MTUS2: variants seen among roughly 807,000 people sequenced by gnomAD.
The protein encoded by MTUS2 is microtubule-associated tumor suppressor candidate 2.
A neutral mutation model predicts 114.1 loss-of-function variants in MTUS2; 40 were observed. The observed-to-expected ratio is 0.35, with a 90% CI of 0.27 to 0.46. The LOEUF (loss-of-function observed/expected upper bound fraction) is 0.46. MTUS2 is among the 20% of genes least tolerant of loss of function. The pLI is 1.00. For missense variants in MTUS2, 1,679 were observed against 1,705.4 expected (o/e 0.98, Z 0.27); for synonymous variants, 688 against 672.0 (o/e 1.02, Z -0.37).
chr13:29,241,951 A>G (rs1278912875), intron 5 of MTUS2, among the ~76,000 whole-genome samples: 1 of 152,016 alleles, frequency 6.6e-6, no homozygotes, highest in Admixed American at 6.6e-5. Flanking sequence ...CCACACTCCC[A>G]TTTCCTGCCC....
At chr13:29,035,963 T>G (rs1163523664) in intron 4 of MTUS2, among the ~76,000 whole-genome samples, 1 of 151,274 alleles carries the variant, frequency 6.6e-6, no homozygotes, top group Non-Finnish European at 1.5e-5. Flanking sequence ...TGGCAACATG[T>G]GGAAACCCCA....
intron 5 of MTUS2, among the ~76,000 whole-genome samples, chr13:29,257,556 G>A (rs568634587): frequency 2.0e-5 from 3 of 152,278 alleles, no homozygotes; most frequent in East Asian, 3.9e-4. Flanking sequence ...GTGAAGGAGG[G>A]AGTGGCCTTA....
intron 2 of MTUS2, among the ~76,000 whole-genome samples, chr13:28,928,333 G>T (rs1277573850): frequency 6.6e-6 from 1 of 152,198 alleles, no homozygotes; most frequent in Admixed American, 6.5e-5. Context: ...CAGAATGGGA[G>T]AAAATATTTG....
chr13:29,318,464 G>T (rs1378584585), intron 6 of MTUS2, among the ~76,000 whole-genome samples: 1 of 141,470 alleles, frequency 7.1e-6, no homozygotes, highest in East Asian at 2.1e-4. Flanking sequence ...GGACTCAGGG[G>T]ACTAATGGAG....
chr13:29,465,544 G>A (rs1055787808), intron 9 of MTUS2, among the ~76,000 whole-genome samples: 4 of 152,180 alleles, frequency 2.6e-5, no homozygotes, highest in African/African-American at 9.7e-5. Flanking sequence ...TTGCACACTA[G>A]TATTTCCACC....
Position 29,026,052 on chromosome 13 carries a change from G to T in MTUS2, c.1354G>T (p.Val452Phe). The change falls in exon 3 of 16, where the codon GTC (valine) becomes TTC (phenylalanine). Residue 452 changes from valine to phenylalanine, a missense_variant. Around this residue, in one of 3 missense-constraint regions of MTUS2, gnomAD observed 843 missense variants for 770.8 expected, o/e 1.09. Transcript: ENST00000612955. ...TCTGACTGACAGCAAGCCCTTGGAT[G>T]TCATTGAGGAGGAAAGGCGGTTGGG... is the stretch of plus-strand genomic sequence containing the variant. ...NNLTDSKPLDVIEEERRLGSG... is the reference protein window; with the variant it reads ...NNLTDSKPLDFIEEERRLGSG... The T allele has an allele frequency of 1.2e-6, 2 of 1,614,024 alleles. No individual in the cohort carries two copies.
Position 28,991,391 on chromosome 13 carries a change from C to T in MTUS2, c.-242-33066C>T, listed in dbSNP as rs181846776. ...AATTTTTTTTTTTTTTTTTTTGAGACGGAGTCTCGCTCTGCCACCCAGGCT... is the reference window on the plus strand; with the variant it reads ...AATTTTTTTTTTTTTTTTTTTGAGATGGAGTCTCGCTCTGCCACCCAGGCT... On this transcript the variant is annotated intron_variant, in intron 2 of 15. Coordinates refer to ENST00000612955, the MANE Select transcript of MTUS2 (RefSeq NM_001033602.4). Among the ~76,000 whole-genome samples, 111 of 138,110 alleles carry T rather than the reference C, an allele frequency of 8.0e-4. 1 individual carries two copies. The East Asian group carries it at 0.019, about 24-fold the overall frequency. 90.6% of individuals were successfully genotyped at this position (138,110 alleles called of 152,430 possible).
At chr13:28,837,511 T>A (rs1875174533) in intron 1 of MTUS2, among the ~76,000 whole-genome samples, 1 of 152,196 alleles carries the variant, frequency 6.6e-6, no homozygotes, top group Non-Finnish European at 1.5e-5. Flanking sequence ...CTTAGGTGGC[T>A]CTTCATAGAT....
At chr13:29,281,411 A>ATGTCTG (rs1333984864) in intron 5 of MTUS2, among the ~76,000 whole-genome samples, 1 of 140,814 alleles carries the variant, frequency 7.1e-6, no homozygotes, top group Non-Finnish European at 1.5e-5. Flanking sequence ...GCATGTATGT[A>ATGTCTG]TGTATGTCTG....
intron 2 of MTUS2, among the ~76,000 whole-genome samples, chr13:28,994,983 A>G (rs1320186111): frequency 6.6e-6 from 1 of 152,264 alleles, no homozygotes; most frequent in Non-Finnish European, 1.5e-5. Context: ...GCCCATGCCT[A>G]TGTCCTGAAT....
In MTUS2 at chr13:29,389,579, G is replaced by A. The variant is rs1470828005; in HGVS notation, c.3117+30106G>A. On this transcript the variant is annotated intron_variant, in intron 8 of 15. Coordinates refer to ENST00000612955, the MANE Select transcript of MTUS2 (RefSeq NM_001033602.4). ...CGTGTGTATATGTGTACATATGTGTGTATACGTATACATATGTGTGTATAC... is the reference window on the plus strand; with the variant it reads ...CGTGTGTATATGTGTACATATGTGTATATACGTATACATATGTGTGTATAC... Among the ~76,000 whole-genome samples the A allele has an allele frequency of 6.3e-5, 7 of 111,536 alleles. 1 individual carries two copies. The highest frequency in any genetic ancestry group is 2.2e-4 in the African/African-American group (6 of 27,544). 73.2% of individuals were successfully genotyped at this position (111,536 alleles called of 152,430 possible). A position where few individuals can be genotyped will look rare whatever the true frequency, so the allele number is the denominator to read the frequency against.
chr13:28,951,063 C>T (rs1023915599), intron 2 of MTUS2, among the ~76,000 whole-genome samples: 5 of 152,176 alleles, frequency 3.3e-5, no homozygotes, highest in African/African-American at 1.2e-4. Flanking sequence ...AAAAACTCCA[C>T]TTAAAAATTG....
chr13:29,362,428 A>C (rs1176378324), intron 8 of MTUS2, among the ~76,000 whole-genome samples: 1 of 152,238 alleles, frequency 6.6e-6, no homozygotes, highest in East Asian at 1.9e-4. Flanking sequence ...CTTGGCCTGG[A>C]ATGTACTTTA....
intron 5 of MTUS2, among the ~76,000 whole-genome samples, chr13:29,117,488 C>T (rs929281090): frequency 6.6e-6 from 1 of 152,164 alleles, no homozygotes; most frequent in Non-Finnish European, 1.5e-5. Context: ...CCTTGGTTTT[C>T]AGGGTTGAGT....
chr13:28,943,775 G>A (rs1448815165), intron 2 of MTUS2, among the ~76,000 whole-genome samples: 1 of 152,164 alleles, frequency 6.6e-6, no homozygotes, highest in African/African-American at 2.4e-5. Flanking sequence ...TGCATAGGGA[G>A]GAAGCTGGAG....
intron 2 of MTUS2, among the ~76,000 whole-genome samples, chr13:29,007,320 TC>T (rs1180588548): frequency 6.6e-6 from 1 of 151,926 alleles, no homozygotes; most frequent in Non-Finnish European, 1.5e-5. Flanking sequence ...CCATTTCAAC[TC>T]CTACTCCCCA....
chr13:29,115,994 TTGTTGCTGAGTCTTTACTG>T (rs1190149567), intron 5 of MTUS2, among the ~76,000 whole-genome samples: 3 of 152,212 alleles, frequency 2.0e-5, no homozygotes, highest in Non-Finnish European at 4.4e-5. Context: ...CATTATAGGA[TTGTTGCTGAGTCTTTACTG>T]TGTTGGCATG....
At chr13:29,173,552 A>G (rs1036435181) in intron 5 of MTUS2, among the ~76,000 whole-genome samples, 3 of 152,188 alleles carry the variant, frequency 2.0e-5, no homozygotes, top group Non-Finnish European at 2.9e-5. Flanking sequence ...AGGGTTTACT[A>G]ATTCAAGATA....
At chr13:29,009,896 G>A (rs1361478222) in intron 2 of MTUS2, among the ~76,000 whole-genome samples, 3 of 152,010 alleles carry the variant, frequency 2.0e-5, no homozygotes, top group Admixed American at 6.6e-5. Context: ...TGCTCTAATA[G>A]GTGTTGAGAG....
Sources: allele counts gnomAD v4.1 joint callset (sites outside exome capture counted in the v4.1 genomes callset), GRCh38; gene constraint gnomAD v4.1.1; regional missense constraint gnomAD v4.1.1; transcripts MANE v1.5; gene names NCBI Gene and HGNC (gene_info 2026-07-23, HGNC 2026-07-21).